The following KIF6 variants were observed in gnomAD, a reference collection of about 807,000 sequenced individuals.
KIF6 encodes the protein kinesin family member 6, also known as kinesin-like protein KIF6.
A neutral mutation model predicts 112.7 loss-of-function variants in KIF6; 106 were observed. That is an observed-to-expected ratio of 0.94 (90% CI 0.80 to 1.11). The LOEUF is 1.11. Among genes scored for constraint, KIF6 ranks in the 50% least tolerant of loss-of-function variants. KIF6 has a pLI of 0.00. For synonymous variants in KIF6, 339 were observed against 339.9 expected (o/e 1.00, Z 0.03); for missense variants, 929 against 964.0 (o/e 0.96, Z 0.48).
At chr6:39,598,363 A>G (rs1381947714) in intron 6 of KIF6, among the ~76,000 whole-genome samples, 5 of 152,168 alleles carry the variant, frequency 3.3e-5, no homozygotes, top group Non-Finnish European at 7.4e-5. Flanking sequence ...TAGAACCATA[A>G]GGTTTAAAAA....
At chr6:39,397,175 G>A (rs1214912864) in intron 15 of KIF6, among the ~76,000 whole-genome samples, 3 of 152,160 alleles carry the variant, frequency 2.0e-5, no homozygotes, top group Non-Finnish European at 4.4e-5. Flanking sequence ...CTTCTGATCA[G>A]TTATTTACCC....
intron 13 of KIF6, among the ~76,000 whole-genome samples, chr6:39,538,556 G>T (rs1445587720): frequency 1.3e-5 from 2 of 151,948 alleles, no homozygotes; most frequent in Non-Finnish European, 1.5e-5. Flanking sequence ...TCATTAAAAA[G>T]TCAGGAAACA....
chr6:39,462,139 T>C (rs187743288), intron 13 of KIF6, among the ~76,000 whole-genome samples: 2 of 152,318 alleles, frequency 1.3e-5, no homozygotes, highest in East Asian at 3.9e-4. Context: ...CCTTTGAAGC[T>C]TGGCATGGCT....
At chr6:39,606,028 T>C (rs1782864443) in intron 6 of KIF6, among the ~76,000 whole-genome samples, 1 of 152,086 alleles carries the variant, frequency 6.6e-6, no homozygotes, top group Admixed American at 6.6e-5. Flanking sequence ...CTATGCATAA[T>C]TGGATGCTCC....
At chr6:39,423,687 A>G (rs1242085209) in intron 14 of KIF6, among the ~76,000 whole-genome samples, 2 of 151,990 alleles carry the variant, frequency 1.3e-5, no homozygotes, top group Non-Finnish European at 2.9e-5. Flanking sequence ...TCCTGTCTCA[A>G]TGCACAGCAC....
At chr6:39,643,381 G>T (rs1785008467) in intron 3 of KIF6, among the ~76,000 whole-genome samples, 1 of 152,132 alleles carries the variant, frequency 6.6e-6, no homozygotes, top group South Asian at 2.1e-4. Context: ...TGAAAAGAAA[G>T]AACAAAGGTA....
At chr6:39,644,869 T>C (rs1171188197) in intron 3 of KIF6, among the ~76,000 whole-genome samples, 1 of 152,244 alleles carries the variant, frequency 6.6e-6, no homozygotes, top group Non-Finnish European at 1.5e-5. Flanking sequence ...GAAGAGTCTA[T>C]ACTCACTTGC....
At chr6:39,444,827 G>T (rs1772199647) in intron 13 of KIF6, among the ~76,000 whole-genome samples, 1 of 150,530 alleles carries the variant, frequency 6.6e-6, no homozygotes, top group South Asian at 2.1e-4. Flanking sequence ...GTCAGAGATG[G>T]TTAAAAAAAA....
intron 19 of KIF6, among the ~76,000 whole-genome samples, chr6:39,347,615 A>C (rs1340269175): frequency 6.6e-6 from 1 of 152,240 alleles, no homozygotes; most frequent in Non-Finnish European, 1.5e-5. Flanking sequence ...AGGCCTAAGA[A>C]GTCACCTGGG....
At chr6:39,712,644 C>G (rs573558156) in intron 3 of KIF6, among the ~76,000 whole-genome samples, 92 of 152,214 alleles carry the variant, frequency 6.0e-4, no homozygotes, top group Non-Finnish European at 1.2e-3. Flanking sequence ...GTGGGTGGAT[C>G]ACGAGGTCAG....
At chr6:39,460,536 TAAAAAAAAAAAAA>T (rs759528125) in intron 13 of KIF6, among the ~76,000 whole-genome samples, 1 of 57,078 alleles carries the variant, frequency 1.8e-5, no homozygotes, top group African/African-American at 7.3e-5. Flanking sequence ...AAAAAAAAAG[TAAAAAAAAAAAAA>T]AAAAAAAAAA....
chr6:39,408,296 G>T (rs542035994), intron 15 of KIF6, among the ~76,000 whole-genome samples: 1 of 152,270 alleles, frequency 6.6e-6, no homozygotes, highest in South Asian at 2.1e-4. Context: ...GAAGCTCTTT[G>T]GGAAGGCAAC....
intron 22 of KIF6, among the ~76,000 whole-genome samples, chr6:39,337,227 C>CTTTCTTTCT (rs1562102949): frequency 1.1e-5 from 1 of 94,900 alleles, no homozygotes; most frequent in East Asian, 2.5e-4. Context: ...TTCTTTCTTT[C>CTTTCTTTCT]TTTCTTTCTT....
At chr6:39,698,778 A>T (rs1198123535) in intron 3 of KIF6, among the ~76,000 whole-genome samples, 1 of 152,230 alleles carries the variant, frequency 6.6e-6, no homozygotes, top group African/African-American at 2.4e-5. Context: ...GCACTCTGAA[A>T]GCTTTTTATG....
chr6:39,336,560 A>C lies in KIF6; in HGVS notation c.2429-12T>G. ...ATTGCTTCCCAAACCTGAAAGGGAG[A>C]CAGGATGCTTTTGGTTAGGCTGTGC... On this transcript the variant is annotated splice_polypyrimidine_tract_variant and intron_variant, in intron 22 of 22. Coordinates refer to ENST00000287152, the MANE Select transcript of KIF6 (RefSeq NM_145027.6). The C allele has an allele frequency of 6.2e-7, 1 of 1,613,902 alleles. No individual in the cohort carries two copies. The highest frequency in any genetic ancestry group is 8.5e-7 in the Non-Finnish European group (1 of 1,179,836).
At chr6:39,381,711 G>A (rs1268406581) in intron 16 of KIF6, among the ~76,000 whole-genome samples, 1 of 152,146 alleles carries the variant, frequency 6.6e-6, no homozygotes, top group Non-Finnish European at 1.5e-5. Context: ...GAGCTTGGAC[G>A]GCAACATGGC....
chr6:39,673,061 C>A (rs1365148891), intron 3 of KIF6, among the ~76,000 whole-genome samples: 1 of 152,250 alleles, frequency 6.6e-6, no homozygotes, highest in South Asian at 2.1e-4. Context: ...CTGATGAGGA[C>A]CCTGTTGCTA....
chr6:39,372,633 C>T (rs1043122496), intron 16 of KIF6, among the ~76,000 whole-genome samples: 5 of 152,148 alleles, frequency 3.3e-5, no homozygotes, highest in Non-Finnish European at 7.3e-5. Context: ...AAATAACACC[C>T]ATGTACTGAC....
intron 13 of KIF6, among the ~76,000 whole-genome samples, chr6:39,513,983 T>A (rs2150514027): frequency 6.6e-6 from 1 of 150,442 alleles, no homozygotes; most frequent in Non-Finnish European, 1.5e-5. Flanking sequence ...AATGTTGAGA[T>A]AAAGTGTTAT....
Sources: gnomAD v4.1 joint callset for allele counts (sites outside exome capture counted in the v4.1 genomes callset) on GRCh38, gnomAD v4.1.1 for gene constraint, MANE v1.5 for transcripts, NCBI Gene and HGNC (gene_info 2026-07-23, HGNC 2026-07-21) for gene names.